The following PRKD1 variants were observed in gnomAD, a reference collection of about 807,000 sequenced individuals.
PRKD1 encodes the protein serine/threonine-protein kinase D1.
PRKD1 carries 63 observed loss-of-function variants against 95.9 expected under a neutral mutation model. The ratio of observed to expected loss-of-function variants is 0.66; its 90% confidence interval spans 0.54 to 0.81. The LOEUF (loss-of-function observed/expected upper bound fraction) is 0.81. PRKD1 is among the 30% of genes least tolerant of loss of function. The probability of loss-of-function intolerance (pLI) is 0.00; values close to 1 mark genes in which losing one functional copy is unlikely to be tolerated. For missense variants in PRKD1, 1,048 were observed against 1,165.3 expected, an observed-to-expected ratio of 0.90 and a Z score of 1.47; for synonymous variants, 425 against 423.1, an observed-to-expected ratio of 1.00 and a Z score of -0.05.
At chr14:29,776,937 G>A (rs1043661017) in intron 1 of PRKD1, among the ~76,000 whole-genome samples, 2 of 152,220 alleles carry the variant, frequency 1.3e-5, no homozygotes, top group East Asian at 3.8e-4. Flanking sequence ...CAGACTAAGA[G>A]CGGATCTCTC....
intron 1 of PRKD1, among the ~76,000 whole-genome samples, chr14:29,896,993 T>C (rs1473454275): frequency 6.6e-6 from 1 of 151,772 alleles, no homozygotes. Flanking sequence ...AATAAAAAAT[T>C]TATAATTTTT....
At chr14:29,790,732 G>A (rs960312558) in intron 1 of PRKD1, among the ~76,000 whole-genome samples, 1 of 152,084 alleles carries the variant, frequency 6.6e-6, no homozygotes, top group Non-Finnish European at 1.5e-5. Flanking sequence ...AGATTATGAC[G>A]ATATTTTATT....
chr14:29,593,690 G>A (rs753829432), intron 16 of PRKD1, among the ~76,000 whole-genome samples: 4 of 152,274 alleles, frequency 2.6e-5, no homozygotes, highest in Admixed American at 6.5e-5. Flanking sequence ...AATAACACTT[G>A]AGCTTTAAGA....
rs140565841 is a variant in PRKD1 at position 29,662,877 on chromosome 14, G to T, written c.696+822C>A. Among the ~76,000 whole-genome samples, 105 of 151,632 alleles carry T rather than the reference G, an allele frequency of 6.9e-4. 1 individual carries two copies. The highest frequency in any genetic ancestry group is 2.4e-3 in the African/African-American group (99 of 41,402). ...TAATATCCATCGGGAGATAGAGGGGGTAAATATGGGAAATTTAAATCCTCA... is the reference window on the plus strand; with the variant it reads ...TAATATCCATCGGGAGATAGAGGGGTTAAATATGGGAAATTTAAATCCTCA... On this transcript the variant is annotated intron_variant, in intron 4 of 17. Coordinates refer to ENST00000331968, the MANE Select transcript of PRKD1 (RefSeq NM_002742.3).
rs182440801 is a variant in PRKD1, at chr14:29,849,404, A to C, written c.264+77845T>G. ...GTTACCCAGTCTAAAGTATTTCTTT[A>C]TAGCAGTGCAAGAGTGGAGTAATAC... is the stretch of plus-strand genomic sequence containing the variant. On this transcript the variant is annotated intron_variant, in intron 1 of 17. Transcript: ENST00000331968. 5.3e-5 allele frequency among the ~76,000 whole-genome samples: 8 copies of C among 152,340 alleles called. No individual in the cohort carries two copies. The East Asian group carries it at 1.5e-3, about 29-fold the overall frequency.
At position 29,725,671 on chromosome 14, in the gene PRKD1, G is replaced by C. The variant is rs45458201; in HGVS notation, c.268C>G (p.Pro90Ala). 515 of 1,612,576 alleles carry C rather than the reference G, an allele frequency of 3.2e-4. 1 individual carries two copies. The highest frequency in any genetic ancestry group is 4.1e-4 in the Non-Finnish European group (487 of 1,179,174). ...TACATTCCGTAGAAACCACATTCAG[G>C]GAACTGCAAATACAAATACCATGAG... Reference protein sequence around the residue: ...MACSIVDQKFPECGFYGMYDK... With the variant: ...MACSIVDQKFAECGFYGMYDK... Residue 90 changes from proline to alanine, a missense_variant, in exon 2 of 18, where the codon CCT becomes GCT. By Grantham distance (27) the Pro-to-Ala change is conservative. Around this residue, in one of 3 missense-constraint regions of PRKD1, gnomAD observed 275 missense variants for 248.6 expected, o/e 1.11. Transcript: ENST00000331968.
intron 1 of PRKD1, among the ~76,000 whole-genome samples, chr14:29,732,811 T>A (rs963625511): frequency 7.3e-5 from 11 of 151,674 alleles, no homozygotes; most frequent in African/African-American, 2.7e-4. Flanking sequence ...AAGTATGTGT[T>A]ATCTGTTCCC....
intron 1 of PRKD1, among the ~76,000 whole-genome samples, chr14:29,902,889 T>C (rs190850305): frequency 2.0e-5 from 3 of 152,168 alleles, no homozygotes; most frequent in Non-Finnish European, 4.4e-5. Flanking sequence ...ATAACGACTG[T>C]TAGAATTTTC....
At chr14:29,616,351 G>A (rs1478884273) in intron 13 of PRKD1, among the ~76,000 whole-genome samples, 2 of 150,974 alleles carry the variant, frequency 1.3e-5, no homozygotes, top group South Asian at 4.2e-4. Flanking sequence ...TGAAAGAGGA[G>A]CAGAGCACAA....
intron 2 of PRKD1, among the ~76,000 whole-genome samples, chr14:29,694,165 G>T (rs1389622576): frequency 6.6e-6 from 1 of 152,100 alleles, no homozygotes; most frequent in Admixed American, 6.5e-5. Context: ...TTATTGAAAT[G>T]ATGTTAAAAA....
At chr14:29,693,431 T>C (rs538049915) in intron 2 of PRKD1, among the ~76,000 whole-genome samples, 92 of 151,712 alleles carry the variant, frequency 6.1e-4, no homozygotes, top group Middle Eastern at 3.4e-3. Flanking sequence ...CAAATACAAA[T>C]CCCATGGAAC....
chr14:29,835,623 T>G (rs1466124916), intron 1 of PRKD1, among the ~76,000 whole-genome samples: 3 of 152,136 alleles, frequency 2.0e-5, no homozygotes, highest in African/African-American at 4.8e-5. Flanking sequence ...CAGGCTGGAG[T>G]GCAGTGGCGC....
chr14:29,681,384 A>AG (rs984926312), intron 2 of PRKD1, among the ~76,000 whole-genome samples: 1 of 151,746 alleles, frequency 6.6e-6, no homozygotes, highest in Non-Finnish European at 1.5e-5. Flanking sequence ...AAGAAGCAAA[A>AG]GGAAAAAAAA....
Position 29,927,662 on chromosome 14 carries a change from A to T in PRKD1, c.-150T>A. The stretch of plus-strand genomic sequence containing the variant: ...TCCGGAAAAGTCCCTGGGCTGGGGG[A>T]GGGCAAGGGGATGAGGATCGGGAGG... On this transcript the variant is annotated 5_prime_UTR_variant, in exon 1 of 18. Coordinates refer to ENST00000331968, the MANE Select transcript of PRKD1 (RefSeq NM_002742.3). 9.0e-5 allele frequency: 20 copies of T among 221,714 alleles called. No individual in the cohort carries two copies. The highest frequency in any genetic ancestry group is 1.8e-4 in the South Asian group (1 of 5,608). 13.7% of individuals were successfully genotyped at this position (221,714 alleles called of 1,614,324 possible).
intron 1 of PRKD1, among the ~76,000 whole-genome samples, chr14:29,783,129 C>T (rs531294619): frequency 3.9e-5 from 6 of 152,242 alleles, no homozygotes; most frequent in African/African-American, 7.2e-5. Flanking sequence ...TGTTTGTACC[C>T]GATAACTAAC....
Position 29,826,776 on chromosome 14 carries a change from TATATAC to T in PRKD1, c.264+100467_264+100472del, listed in dbSNP as rs1471197692. On this transcript the variant is annotated intron_variant, in intron 1 of 17. Coordinates refer to ENST00000331968, the MANE Select transcript of PRKD1 (RefSeq NM_002742.3). ...ATATATACATATATATATACACATA[TATATAC>T]ATATATACACATATATATACACATA... 4.2e-3 allele frequency among the ~76,000 whole-genome samples: 153 copies of T among 36,252 alleles called. 2 individuals carry two copies. The highest frequency in any genetic ancestry group is 5.2e-3 in the Non-Finnish European group (96 of 18,366). The allele number at this position is 36,252 out of a possible 152,430, so 23.8% of individuals were successfully genotyped here.
At chr14:29,712,838 T>A (rs1885399780) in intron 2 of PRKD1, among the ~76,000 whole-genome samples, 1 of 152,170 alleles carries the variant, frequency 6.6e-6, no homozygotes, top group African/African-American at 2.4e-5. Flanking sequence ...GCTGGGCAGA[T>A]GGTGGCATGG....
At position 29,607,953 on chromosome 14, in the gene PRKD1, A is replaced by G. The variant is rs114416272; in HGVS notation, c.1906-8136T>C. 6.5e-3 allele frequency among the ~76,000 whole-genome samples: 987 copies of G among 152,298 alleles called. 22 individuals are homozygous for G. The highest frequency in any genetic ancestry group is 0.022 in the African/African-American group (919 of 41,570). ...TCTGCCTAACACATTCCTCAATACT[A>G]GGGCAGGAATATGAAGTCTTTGTCC... is the stretch of plus-strand genomic sequence containing the variant. On this transcript the variant is annotated intron_variant, in intron 13 of 17. Coordinates refer to ENST00000331968, the MANE Select transcript of PRKD1 (RefSeq NM_002742.3).
chr14:29,695,410 A>G (rs1214021008), intron 2 of PRKD1, among the ~76,000 whole-genome samples: 1 of 152,192 alleles, frequency 6.6e-6, no homozygotes, highest in Admixed American at 6.6e-5. Flanking sequence ...GTGAAAGTTG[A>G]TGCTGACTTG....
Sources: allele counts gnomAD v4.1 joint callset (sites outside exome capture counted in the v4.1 genomes callset), GRCh38; gene constraint gnomAD v4.1.1; regional missense constraint gnomAD v4.1.1; transcripts MANE v1.5; gene names NCBI Gene and HGNC (gene_info 2026-07-23, HGNC 2026-07-21).